Variants in NAALADL2 observed in about 807,000 individuals in gnomAD.
NAALADL2 encodes inactive N-acetylated-alpha-linked acidic dipeptidase-like protein 2.
A neutral mutation model predicts 87.2 loss-of-function variants in NAALADL2; 76 were observed. The ratio of observed to expected loss-of-function variants is 0.87; its 90% confidence interval spans 0.72 to 1.05. NAALADL2 has a LOEUF of 1.05. Ranked by LOEUF, NAALADL2 falls within the 50% of genes least tolerant of loss-of-function variation. The probability of loss-of-function intolerance (pLI) is 0.00; values close to 1 mark genes in which losing one functional copy is unlikely to be tolerated. For missense variants in NAALADL2, 1,089 were observed against 945.8 expected (o/e 1.15, Z -1.99); for synonymous variants, 354 against 331.0 (o/e 1.07, Z -0.75).
At chr3:175,208,376 T>C (rs1237232342) in intron 2 of NAALADL2, among the ~76,000 whole-genome samples, 1 of 152,170 alleles carries the variant, frequency 6.6e-6, no homozygotes, top group African/African-American at 2.4e-5. Context: ...TCTTAAAGTT[T>C]ATAGTGTAAC....
chr3:175,660,588 A>G (rs1366756251), intron 11 of NAALADL2, among the ~76,000 whole-genome samples: 1 of 152,044 alleles, frequency 6.6e-6, no homozygotes. Flanking sequence ...CTACTGTACT[A>G]TCAGATACTA....
chr3:175,470,505 A>C (rs566801094), intron 8 of NAALADL2, among the ~76,000 whole-genome samples: 12 of 152,302 alleles, frequency 7.9e-5, no homozygotes, highest in African/African-American at 2.9e-4. Context: ...AATGAAAAAA[A>C]TAAAAATAAA....
intron 3 of NAALADL2, among the ~76,000 whole-genome samples, chr3:175,241,676 TAGAG>T (rs1746908967): frequency 1.3e-5 from 2 of 152,150 alleles, no homozygotes; most frequent in Admixed American, 6.5e-5. Flanking sequence ...AAATATTTGT[TAGAG>T]AGAGTACGTT....
At chr3:174,658,233 C>T (rs1163473117) in intron 2 of NAALADL2, among the ~76,000 whole-genome samples, 1 of 152,100 alleles carries the variant, frequency 6.6e-6, no homozygotes, top group Non-Finnish European at 1.5e-5. Flanking sequence ...TTTGCGTTCC[C>T]ACCGGCAATG....
chr3:175,357,733 TA>T (rs1333147802), intron 5 of NAALADL2, among the ~76,000 whole-genome samples: 4 of 152,174 alleles, frequency 2.6e-5, no homozygotes, highest in Admixed American at 6.6e-5. Context: ...CTTCTTTGCG[TA>T]AAAAATTGAT....
At chr3:174,875,286 ATTTAT>A (rs1455234478) in intron 1 of NAALADL2, among the ~76,000 whole-genome samples, 12 of 142,500 alleles carry the variant, frequency 8.4e-5, no homozygotes, top group Non-Finnish European at 1.4e-4. Context: ...TCATTGCATT[ATTTAT>A]TTATTTTCAA....
At chr3:174,991,638 G>A (rs1030975203) in intron 1 of NAALADL2, among the ~76,000 whole-genome samples, 8 of 152,034 alleles carry the variant, frequency 5.3e-5, no homozygotes, top group African/African-American at 1.7e-4. Context: ...AAGAGAATAA[G>A]CAATTAAAAT....
At chr3:174,832,772 A>G (rs2109378903) in intron 3 of NAALADL2, among the ~76,000 whole-genome samples, 1 of 151,996 alleles carries the variant, frequency 6.6e-6, no homozygotes, top group East Asian at 1.9e-4. Flanking sequence ...GGCCAATATT[A>G]CCTCTGTTTT....
intron 4 of NAALADL2, among the ~76,000 whole-genome samples, chr3:175,279,413 G>A (rs2110070701): frequency 1.3e-5 from 2 of 152,042 alleles, no homozygotes; most frequent in Admixed American, 1.3e-4. Flanking sequence ...TTTAATGACA[G>A]TTTTCATTTT....
chr3:174,780,344 C>T (rs1715793082), intron 3 of NAALADL2, among the ~76,000 whole-genome samples: 1 of 152,150 alleles, frequency 6.6e-6, no homozygotes, highest in African/African-American at 2.4e-5. Context: ...TATCCTGAAA[C>T]TTTACTGAAG....
intron 1 of NAALADL2, among the ~76,000 whole-genome samples, chr3:174,907,157 T>A (rs894267554): frequency 2.6e-5 from 4 of 152,094 alleles, no homozygotes; most frequent in African/African-American, 4.8e-5. Flanking sequence ...GAATTACCTT[T>A]CTAGTACTTA....
chr3:174,737,062 A>G (rs1733290940), intron 2 of NAALADL2, among the ~76,000 whole-genome samples: 1 of 152,240 alleles, frequency 6.6e-6, no homozygotes, highest in Admixed American at 6.5e-5. Context: ...CTGCCCTGCC[A>G]ACTCAGGAGG....
At chr3:175,092,544 T>G (rs753149306) in intron 1 of NAALADL2, among the ~76,000 whole-genome samples, 2 of 151,986 alleles carry the variant, frequency 1.3e-5, no homozygotes, top group Non-Finnish European at 2.9e-5. Flanking sequence ...TTTTACATAT[T>G]AAATTTTCAT....
intron 5 of NAALADL2, among the ~76,000 whole-genome samples, chr3:175,387,959 A>G (rs555785465): frequency 2.0e-5 from 3 of 152,090 alleles, no homozygotes; most frequent in Non-Finnish European, 4.4e-5. Flanking sequence ...TATTGTAGCT[A>G]TTCCCTGTTT....
At chr3:175,583,662 G>T (rs141833460) in intron 10 of NAALADL2, among the ~76,000 whole-genome samples, 2,080 of 152,210 alleles carry the variant, frequency 0.014, 46 homozygotes, top group African/African-American at 0.048. Flanking sequence ...AGAAATAATA[G>T]AATTTTATTC....
chr3:174,751,854 A>G (rs1474878734), intron 3 of NAALADL2, among the ~76,000 whole-genome samples: 1 of 126,060 alleles, frequency 7.9e-6, no homozygotes, highest in Non-Finnish European at 1.7e-5. Context: ...GAGATTATGT[A>G]TGTATGTGTG....
intron 2 of NAALADL2, among the ~76,000 whole-genome samples, chr3:175,192,366 A>C (rs1337733552): frequency 6.6e-6 from 1 of 152,098 alleles, no homozygotes; most frequent in Non-Finnish European, 1.5e-5. Flanking sequence ...TTAAAATAAA[A>C]TTCTTATGCT....
At chr3:175,621,947 T>C (rs1279778541) in intron 10 of NAALADL2, among the ~76,000 whole-genome samples, 2 of 152,180 alleles carry the variant, frequency 1.3e-5, no homozygotes, top group East Asian at 3.9e-4. Context: ...ATTGCTATTA[T>C]TGAACTCATA....
intron 1 of NAALADL2, among the ~76,000 whole-genome samples, chr3:174,496,834 C>T (rs1718570647): frequency 6.6e-6 from 1 of 152,036 alleles, no homozygotes; most frequent in African/African-American, 2.4e-5. Flanking sequence ...TGGGGTATAA[C>T]ACTCCAACAA....
Sources: gnomAD v4.1 joint callset for allele counts (sites outside exome capture counted in the v4.1 genomes callset) on GRCh38, gnomAD v4.1.1 for gene constraint, MANE v1.5 for transcripts, NCBI Gene and HGNC (gene_info 2026-07-23, HGNC 2026-07-21) for gene names.